Variants in ARB2A observed in about 807,000 individuals in gnomAD.
ARB2A encodes the protein ARB2 cotranscriptional regulator A, also known as cotranscriptional regulator ARB2A.
the ARB2A span, among the ~76,000 whole-genome samples, chr5:94,087,121 T>C: frequency 6.6e-5 from 10 of 152,258 alleles, no homozygotes; most frequent in South Asian, 2.1e-3. Flanking sequence ...TGTCTTCATT[T>C]TTGGCAAAAA....
At chr5:93,690,271 C>T in the ARB2A span, among the ~76,000 whole-genome samples, 2 of 152,146 alleles carry the variant, frequency 1.3e-5, no homozygotes, top group Admixed American at 6.5e-5. Flanking sequence ...TGGATCCCAC[C>T]CCCATGGAGC....
chr5:93,812,096 A>G, the ARB2A span, among the ~76,000 whole-genome samples: 1 of 152,144 alleles, frequency 6.6e-6, no homozygotes, highest in African/African-American at 2.4e-5. Context: ...ACATGCTACC[A>G]GATGTTAAAG....
the ARB2A span, among the ~76,000 whole-genome samples, chr5:93,841,421 T>C: frequency 2.2e-4 from 34 of 152,172 alleles, 1 homozygote; most frequent in Admixed American, 2.1e-3. Flanking sequence ...TTAAAGTCTA[T>C]GGGAGGATGT....
chr5:94,111,057 T>A, the ARB2A span, among the ~76,000 whole-genome samples: 1 of 152,308 alleles, frequency 6.6e-6, no homozygotes, highest in Non-Finnish European at 1.5e-5. Flanking sequence ...CCCGCGCCCA[T>A]GCATGTTACA....
chr5:93,898,643 C>T, the ARB2A span, among the ~76,000 whole-genome samples: 4 of 152,016 alleles, frequency 2.6e-5, no homozygotes, highest in Non-Finnish European at 5.9e-5. Context: ...CATTTGGTCA[C>T]CTTTCTTCTG....
At chr5:94,041,662 A>C in the ARB2A span, among the ~76,000 whole-genome samples, 1 of 152,216 alleles carries the variant, frequency 6.6e-6, no homozygotes, top group African/African-American at 2.4e-5. Context: ...AATATCTTCA[A>C]AATGTAAACA....
At chr5:93,795,070 G>A in the ARB2A span, among the ~76,000 whole-genome samples, 1 of 152,158 alleles carries the variant, frequency 6.6e-6, no homozygotes, top group African/African-American at 2.4e-5. Context: ...AGGACCACAA[G>A]GTGGGGGTAG....
chr5:94,032,193 G>A, the ARB2A span, among the ~76,000 whole-genome samples: 1 of 152,144 alleles, frequency 6.6e-6, no homozygotes, highest in Non-Finnish European at 1.5e-5. Flanking sequence ...GTGTTAGGCT[G>A]TTTTTGCACT....
At chr5:93,702,759 C>T in the ARB2A span, among the ~76,000 whole-genome samples, 2 of 152,076 alleles carry the variant, frequency 1.3e-5, no homozygotes, top group South Asian at 4.1e-4. Flanking sequence ...TCCCTGGGTT[C>T]TCAGATGTAA....
chr5:93,892,612 T>C, the ARB2A span, among the ~76,000 whole-genome samples: 1 of 152,124 alleles, frequency 6.6e-6, no homozygotes, highest in Non-Finnish European at 1.5e-5. Flanking sequence ...CACACCACTG[T>C]GTCAGCTAGT....
chr5:93,626,418 G>T, the ARB2A span, among the ~76,000 whole-genome samples: 2 of 152,092 alleles, frequency 1.3e-5, no homozygotes, highest in Non-Finnish European at 2.9e-5. Context: ...TTCTTCATCT[G>T]CCATTCACTC....
the ARB2A span, chr5:93,784,246 T>C: frequency 1.5e-6 from 1 of 649,876 alleles, no homozygotes; most frequent in South Asian, 1.9e-5. Flanking sequence ...TAAACATGTC[T>C]AGCTTTTTCT....
At chr5:93,887,760 G>T in the ARB2A span, among the ~76,000 whole-genome samples, 1 of 151,798 alleles carries the variant, frequency 6.6e-6, no homozygotes, top group African/African-American at 2.4e-5. Flanking sequence ...CTATTATTAT[G>T]TTGGCCTGAA....
the ARB2A span, among the ~76,000 whole-genome samples, chr5:93,991,800 C>T: frequency 6.6e-6 from 1 of 151,896 alleles, no homozygotes; most frequent in South Asian, 2.1e-4. Context: ...AAGTTTAACA[C>T]AAATGTAATT....
chr5:93,831,173 T>G, the ARB2A span, among the ~76,000 whole-genome samples: 1 of 152,038 alleles, frequency 6.6e-6, no homozygotes, highest in Non-Finnish European at 1.5e-5. Context: ...GCCCAGTTCC[T>G]AACAGGCCAT....
At chr5:93,713,356 A>G in the ARB2A span, among the ~76,000 whole-genome samples, 24 of 150,968 alleles carry the variant, frequency 1.6e-4, no homozygotes, top group Admixed American at 8.6e-4. Flanking sequence ...ACTCATTAGG[A>G]AAAAAAAAAT....
the ARB2A span, among the ~76,000 whole-genome samples, chr5:94,048,051 C>CTTTTTTTTTTTTT: frequency 1.0e-5 from 1 of 96,078 alleles, no homozygotes; most frequent in Non-Finnish European, 1.9e-5. Flanking sequence ...AATCGGTAAG[C>CTTTTTTTTTTTTT]TTTTTTTTTT....
At chr5:93,631,801 GA>G in the ARB2A span, among the ~76,000 whole-genome samples, 1 of 144,542 alleles carries the variant, frequency 6.9e-6, no homozygotes, top group South Asian at 2.5e-4. Flanking sequence ...GGGGGATAGG[GA>G]GAGGGGGAGA....
chr5:93,791,879 G>A, the ARB2A span, among the ~76,000 whole-genome samples: 2 of 151,844 alleles, frequency 1.3e-5, no homozygotes, highest in Admixed American at 1.3e-4. Flanking sequence ...ATGCTGCCAC[G>A]TGCAAGCTCC....
Sources: allele counts gnomAD v4.1 joint callset (sites outside exome capture counted in the v4.1 genomes callset), GRCh38; gene constraint gnomAD v4.1.1; transcripts MANE v1.5; gene names NCBI Gene and HGNC (gene_info 2026-07-23, HGNC 2026-07-21).